Variants in ANKRD6 observed in about 807,000 individuals in gnomAD.
The protein encoded by ANKRD6 is ankyrin repeat domain 6, also known as ankyrin repeat domain-containing protein 6.
ANKRD6 carries 56 observed loss-of-function variants against 82.3 expected under a neutral mutation model. The ratio of observed to expected loss-of-function variants is 0.68; its 90% confidence interval spans 0.55 to 0.85. The LOEUF (loss-of-function observed/expected upper bound fraction) is 0.85, where lower values mean the gene tolerates loss of function less well. Among genes scored for constraint, ANKRD6 ranks in the 40% least tolerant of loss-of-function variants. ANKRD6 has a pLI of 0.00. For missense variants in ANKRD6, 852 were observed against 907.6 expected (o/e 0.94, Z 0.79); for synonymous variants, 347 against 352.1 (o/e 0.99, Z 0.16).
At chr6:89,581,405 A>C (rs1202902394) in intron 2 of ANKRD6, 1 of 152,194 alleles carries the variant, frequency 6.6e-6, no homozygotes, top group Non-Finnish European at 1.5e-5. Context: ...GTGCCAGTCT[A>C]TACTCCACCA....
chr6:89,472,631 G>T (rs1488376183), intron 1 of ANKRD6, among the ~76,000 whole-genome samples: 1 of 152,114 alleles, frequency 6.6e-6, no homozygotes, highest in East Asian at 1.9e-4. Context: ...GTTCTTGTTG[G>T]CAGAGCTCTA....
rs540740836 is a variant in ANKRD6 at position 89,451,814 on chromosome 6, T to C, written c.-144+18439T>C. ...GTATCTGATTTTGCTCCAGGACTTC[T>C]GTGGTTTCTTATTATAACCCCCTCT... On this transcript the variant is annotated intron_variant, in intron 1 of 15. Coordinates refer to ENST00000339746, the MANE Select transcript of ANKRD6 (RefSeq NM_001242809.2). 4.6e-5 allele frequency among the ~76,000 whole-genome samples: 7 copies of C among 152,346 alleles called. No individual in the cohort carries two copies. In the South Asian group the frequency reaches 1.2e-3, roughly 27 times the overall value.
chr6:89,539,886 C>T (rs548385870), intron 1 of ANKRD6, among the ~76,000 whole-genome samples: 2 of 150,924 alleles, frequency 1.3e-5, no homozygotes, highest in Admixed American at 1.3e-4. Context: ...AAAAAAAAAA[C>T]CAGATGTTTT....
At chr6:89,474,057 A>C (rs1446999515) in intron 1 of ANKRD6, among the ~76,000 whole-genome samples, 1 of 152,174 alleles carries the variant, frequency 6.6e-6, no homozygotes, top group Non-Finnish European at 1.5e-5. Context: ...TTTATGTGTC[A>C]AACTTCTCCA....
At chr6:89,467,477 G>A (rs1774978814) in intron 1 of ANKRD6, among the ~76,000 whole-genome samples, 3 of 152,116 alleles carry the variant, frequency 2.0e-5, no homozygotes. Context: ...TATCTTGGTT[G>A]ATTCCTTAAC....
At chr6:89,573,071 C>T (rs1434990461) in intron 2 of ANKRD6, among the ~76,000 whole-genome samples, 1 of 152,066 alleles carries the variant, frequency 6.6e-6, no homozygotes, top group East Asian at 1.9e-4. Context: ...AGCAATCCTC[C>T]TGCCTCAGCC....
At chr6:89,558,206 T>C (rs533467989) in intron 1 of ANKRD6, among the ~76,000 whole-genome samples, 75 of 152,312 alleles carry the variant, frequency 4.9e-4, no homozygotes, top group Non-Finnish European at 9.6e-4. Context: ...TACCCAGCAA[T>C]TGTACTCCTT....
chr6:89,519,611 A>AG (rs960722527), intron 1 of ANKRD6, among the ~76,000 whole-genome samples: 3 of 152,226 alleles, frequency 2.0e-5, no homozygotes, highest in African/African-American at 7.2e-5. Flanking sequence ...ATAAGTAGGC[A>AG]GTTGGCTATT....
chr6:89,602,956 G>A, intron 3 of ANKRD6, 73 bp from the exon 4 acceptor site: 2 of 1,272,712 alleles, frequency 1.6e-6, no homozygotes, highest in Admixed American at 4.0e-5. Flanking sequence ...TTGTGTCCAA[G>A]TGTCAAGTGA....
intron 1 of ANKRD6, among the ~76,000 whole-genome samples, chr6:89,443,532 T>C (rs1771690305): frequency 1.3e-5 from 2 of 152,196 alleles, no homozygotes; most frequent in Admixed American, 1.3e-4. Flanking sequence ...AGAGGTGTGA[T>C]CATGGTTCTG....
At chr6:89,500,076 TG>T (rs1779095046) in intron 1 of ANKRD6, among the ~76,000 whole-genome samples, 1 of 152,046 alleles carries the variant, frequency 6.6e-6, no homozygotes, top group East Asian at 1.9e-4. Context: ...GGGCTTGGGG[TG>T]ATGTGAATGG....
intron 1 of ANKRD6, among the ~76,000 whole-genome samples, chr6:89,514,697 A>G (rs1280735984): frequency 2.0e-5 from 3 of 152,110 alleles, no homozygotes; most frequent in Non-Finnish European, 2.9e-5. Context: ...TTTGGTGTAC[A>G]TGTTTGTATT....
intron 1 of ANKRD6, among the ~76,000 whole-genome samples, chr6:89,434,761 C>G (rs541797382): frequency 8.5e-4 from 130 of 152,210 alleles, no homozygotes; most frequent in African/African-American, 3.0e-3. Flanking sequence ...TGTGTCTATA[C>G]CGATACATGT....
chr6:89,477,623 T>C (rs1447356573), intron 1 of ANKRD6, among the ~76,000 whole-genome samples: 1 of 151,772 alleles, frequency 6.6e-6, no homozygotes, highest in Non-Finnish European at 1.5e-5. Context: ...TACAAAAAAT[T>C]AGCCAGGCGT....
intron 1 of ANKRD6, among the ~76,000 whole-genome samples, chr6:89,479,320 T>G (rs1037738653): frequency 6.6e-6 from 1 of 152,344 alleles, no homozygotes; most frequent in Non-Finnish European, 1.5e-5. Flanking sequence ...TTTTTACAAA[T>G]GAGAACTTCC....
intron 1 of ANKRD6, among the ~76,000 whole-genome samples, chr6:89,514,441 G>A (rs1276735457): frequency 6.6e-6 from 1 of 150,920 alleles, no homozygotes; most frequent in African/African-American, 2.4e-5. Context: ...ATCAGCTATT[G>A]TTAGTGTTAG....
intron 1 of ANKRD6, among the ~76,000 whole-genome samples, chr6:89,523,634 A>C (rs1175839490): frequency 6.6e-6 from 1 of 152,138 alleles, no homozygotes; most frequent in Non-Finnish European, 1.5e-5. Context: ...TCTATGCCCC[A>C]AGTACCCATA....
intron 1 of ANKRD6, among the ~76,000 whole-genome samples, chr6:89,559,679 A>G (rs1787108827): frequency 6.6e-6 from 1 of 152,200 alleles, no homozygotes; most frequent in African/African-American, 2.4e-5. Context: ...AGAAATTCCC[A>G]GAGTGGCCGT....
chr6:89,476,979 C>G (rs2127798730), intron 1 of ANKRD6, among the ~76,000 whole-genome samples: 1 of 152,316 alleles, frequency 6.6e-6, no homozygotes, highest in East Asian at 1.9e-4. Context: ...GAGTCTCGTT[C>G]TGTCGCCCAG....
Sources: allele counts gnomAD v4.1 joint callset (sites outside exome capture counted in the v4.1 genomes callset), GRCh38; gene constraint gnomAD v4.1.1; transcripts MANE v1.5; gene names NCBI Gene and HGNC (gene_info 2026-07-23, HGNC 2026-07-21).